ROBO1: variants seen among roughly 807,000 people sequenced by gnomAD.
ROBO1 encodes roundabout guidance receptor 1, also known as roundabout homolog 1.
A neutral mutation model predicts 195.9 loss-of-function variants in ROBO1; 149 were observed. The observed-to-expected ratio is 0.76, with a 90% CI of 0.67 to 0.87. The LOEUF (loss-of-function observed/expected upper bound fraction) is 0.87, where lower values mean the gene tolerates loss of function less well. Among genes scored for constraint, ROBO1 ranks in the 40% least tolerant of loss-of-function variants. The pLI is 0.00. For missense variants in ROBO1, 1,933 were observed against 2,068.3 expected, an observed-to-expected ratio of 0.93 and a Z score of 1.27; for synonymous variants, 816 against 733.2, an observed-to-expected ratio of 1.11 and a Z score of -1.82.
At chr3:79,031,996 G>A (rs2108305027) in intron 3 of ROBO1, among the ~76,000 whole-genome samples, 1 of 152,036 alleles carries the variant, frequency 6.6e-6, no homozygotes, top group South Asian at 2.1e-4. Context: ...GGACACACAG[G>A]CTTATATAGG....
chr3:78,976,342 T>C (rs2076884713), intron 3 of ROBO1, among the ~76,000 whole-genome samples: 1 of 152,166 alleles, frequency 6.6e-6, no homozygotes, highest in African/African-American at 2.4e-5. Context: ...CTAAATCATG[T>C]AGTTTCATTA....
chr3:79,517,925 T>A (rs1358035096), intron 2 of ROBO1, among the ~76,000 whole-genome samples: 4 of 152,190 alleles, frequency 2.6e-5, no homozygotes, highest in Non-Finnish European at 5.9e-5. Flanking sequence ...TTAATCCCTT[T>A]CAGGAAAAAA....
At chr3:78,777,055 T>A (rs2083528507) in intron 4 of ROBO1, among the ~76,000 whole-genome samples, 2 of 152,170 alleles carry the variant, frequency 1.3e-5, no homozygotes, top group Admixed American at 6.5e-5. Context: ...TATTATTAAC[T>A]CCATTGGGTA....
At chr3:78,869,086 A>G (rs779865599) in intron 4 of ROBO1, among the ~76,000 whole-genome samples, 3 of 152,184 alleles carry the variant, frequency 2.0e-5, no homozygotes, top group Non-Finnish European at 2.9e-5. Context: ...ACAAATAAGC[A>G]TTATAGTTTT....
At chr3:79,215,996 T>A (rs561426155) in intron 2 of ROBO1, among the ~76,000 whole-genome samples, 13 of 152,002 alleles carry the variant, frequency 8.6e-5, no homozygotes, top group Admixed American at 5.9e-4. Context: ...GAAAAAAAAA[T>A]TTAATATAAA....
At chr3:78,768,928 C>G (rs374177197) in intron 4 of ROBO1, among the ~76,000 whole-genome samples, 316 of 150,646 alleles carry the variant, frequency 2.1e-3, no homozygotes, top group Non-Finnish European at 2.9e-3. Context: ...TTTGTTCTTG[C>G]GATAGTTTAC....
intron 3 of ROBO1, among the ~76,000 whole-genome samples, chr3:78,982,554 A>G (rs181131110): frequency 6.6e-6 from 1 of 152,338 alleles, no homozygotes; most frequent in African/African-American, 2.4e-5. Flanking sequence ...AATTATAGAA[A>G]TATCAGAGAT....
intron 4 of ROBO1, among the ~76,000 whole-genome samples, chr3:78,894,328 GA>G (rs1214024714): frequency 6.6e-6 from 1 of 151,954 alleles, no homozygotes; most frequent in Non-Finnish European, 1.5e-5. Flanking sequence ...CTAAAGAAAT[GA>G]AAAAACCATA....
chr3:78,960,376 T>C (rs2107827912), intron 3 of ROBO1, among the ~76,000 whole-genome samples: 1 of 149,578 alleles, frequency 6.7e-6, no homozygotes, highest in Non-Finnish European at 1.5e-5. Flanking sequence ...ATATATTATA[T>C]AGCAATATGT....
intron 2 of ROBO1, among the ~76,000 whole-genome samples, chr3:79,405,789 T>C (rs2037523735): frequency 6.6e-6 from 1 of 152,102 alleles, no homozygotes; most frequent in African/African-American, 2.4e-5. Flanking sequence ...ACGTAAAATA[T>C]GGTAGTTTGG....
intron 3 of ROBO1, among the ~76,000 whole-genome samples, chr3:78,957,293 C>T (rs1417854083): frequency 4.0e-5 from 5 of 125,372 alleles, no homozygotes; most frequent in African/African-American, 1.5e-4. Flanking sequence ...GCTGGTGATA[C>T]AAGAATGCCA....
intron 4 of ROBO1, among the ~76,000 whole-genome samples, chr3:78,776,953 C>A (rs1434421593): frequency 1.3e-5 from 2 of 152,134 alleles, no homozygotes; most frequent in African/African-American, 4.8e-5. Context: ...CACTGAGTAA[C>A]ACCTAGGACT....
At chr3:78,934,541 T>C (rs950813809) in intron 4 of ROBO1, among the ~76,000 whole-genome samples, 2 of 151,998 alleles carry the variant, frequency 1.3e-5, no homozygotes, top group Non-Finnish European at 2.9e-5. Context: ...CCAGTAAAGA[T>C]ATATACATAT....
At chr3:78,923,425 C>T (rs1004251918) in intron 4 of ROBO1, among the ~76,000 whole-genome samples, 6 of 152,096 alleles carry the variant, frequency 3.9e-5, no homozygotes, top group African/African-American at 1.4e-4. Flanking sequence ...TTAATATCTT[C>T]CCTTTCCCCA....
intron 1 of ROBO1, among the ~76,000 whole-genome samples, chr3:79,720,425 A>G (rs1295126040): frequency 6.6e-6 from 1 of 152,160 alleles, no homozygotes; most frequent in Non-Finnish European, 1.5e-5. Flanking sequence ...TACCTACTAC[A>G]GTTCCAGTGG....
chr3:79,604,760 A>G lies in ROBO1; in HGVS notation c.-50-14799T>C, dbSNP rs564752880. Among the ~76,000 whole-genome samples, 36 of 152,106 alleles carry G rather than the reference A, an allele frequency of 2.4e-4. No homozygotes were observed. The South Asian group carries it at 6.8e-3, about 29-fold the overall frequency. Reference sequence around the variant, plus strand: ...ATTTATTCTGTGGTCATTTTCTTGAAAATTCCATTTCAATACAAAGAGTTA... The same window carrying G: ...ATTTATTCTGTGGTCATTTTCTTGAGAATTCCATTTCAATACAAAGAGTTA... On this transcript the variant is annotated intron_variant, in intron 1 of 30. Coordinates refer to ENST00000464233, the MANE Select transcript of ROBO1 (RefSeq NM_002941.4).
At chr3:78,948,636 T>C (rs1460175293) in intron 3 of ROBO1, among the ~76,000 whole-genome samples, 1 of 152,134 alleles carries the variant, frequency 6.6e-6, no homozygotes, top group Admixed American at 6.5e-5. Flanking sequence ...ACTACTCCTA[T>C]TCAACATAGT....
chr3:79,720,929 A>G (rs1702670750), intron 1 of ROBO1, among the ~76,000 whole-genome samples: 1 of 151,826 alleles, frequency 6.6e-6, no homozygotes, highest in Admixed American at 6.6e-5. Context: ...AGTAGCTGGG[A>G]CTACAGGCGC....
chr3:78,997,259 A>AT (rs1459431055), intron 3 of ROBO1, among the ~76,000 whole-genome samples: 1 of 152,146 alleles, frequency 6.6e-6, no homozygotes, highest in Admixed American at 6.6e-5. Context: ...ATAATTTCAA[A>AT]TGTTCCTCAA....
Sources: allele counts gnomAD v4.1 joint callset (sites outside exome capture counted in the v4.1 genomes callset), GRCh38; gene constraint gnomAD v4.1.1; transcripts MANE v1.5; gene names NCBI Gene and HGNC (gene_info 2026-07-23, HGNC 2026-07-21).